LINGO2: variants seen among roughly 807,000 people sequenced by gnomAD.
LINGO2 encodes the protein leucine rich repeat and Ig domain containing 2.
LINGO2 carries 14 observed loss-of-function variants against 30.6 expected under a neutral mutation model. The ratio of observed to expected loss-of-function variants is 0.46; its 90% CI spans 0.30 to 0.72. The LOEUF is 0.72. Among genes scored for constraint, LINGO2 ranks in the 30% least tolerant of loss-of-function variants. LINGO2 has a pLI of 0.07. For missense variants in LINGO2, 729 were observed against 751.7 expected (o/e 0.97, Z 0.35); for synonymous variants, 317 against 288.5 (o/e 1.10, Z -1.00).
At chr9:28,805,896 A>G in the LINGO2 span, among the ~76,000 whole-genome samples, 2 of 152,290 alleles carry the variant, frequency 1.3e-5, no homozygotes, top group East Asian at 1.9e-4. Flanking sequence ...ATTATAACAT[A>G]TATTTCATTT....
the LINGO2 span, among the ~76,000 whole-genome samples, chr9:28,953,861 T>G: frequency 6.6e-6 from 1 of 152,172 alleles, no homozygotes; most frequent in East Asian, 1.9e-4. Flanking sequence ...TAAAATCCAC[T>G]GGCTATCTCT....
At chr9:28,970,169 C>G in the LINGO2 span, among the ~76,000 whole-genome samples, 3 of 151,684 alleles carry the variant, frequency 2.0e-5, no homozygotes, top group Non-Finnish European at 4.4e-5. Flanking sequence ...GTTAGGAAGG[C>G]CAGAGAAAAG....
At chr9:28,143,711 A>T (rs1008506356) in intron 4 of LINGO2, among the ~76,000 whole-genome samples, 5 of 151,358 alleles carry the variant, frequency 3.3e-5, no homozygotes, top group African/African-American at 4.9e-5. Context: ...TAAATAGAAG[A>T]CCTGGTGATG....
At chr9:28,855,410 G>T in the LINGO2 span, among the ~76,000 whole-genome samples, 1 of 151,908 alleles carries the variant, frequency 6.6e-6, no homozygotes, top group Non-Finnish European at 1.5e-5. Context: ...ATCTGTTTAG[G>T]TGTATTTTGC....
the LINGO2 span, among the ~76,000 whole-genome samples, chr9:28,998,495 A>G: frequency 3.3e-5 from 5 of 152,168 alleles, no homozygotes; most frequent in Admixed American, 6.5e-5. Context: ...TAGAACACAA[A>G]GAGGAAAAAT....
the LINGO2 span, among the ~76,000 whole-genome samples, chr9:29,119,997 C>G: frequency 6.6e-6 from 1 of 152,128 alleles, no homozygotes; most frequent in African/African-American, 2.4e-5. Flanking sequence ...AGAATGAATA[C>G]AAGTGAATAC....
intron 2 of LINGO2, among the ~76,000 whole-genome samples, chr9:28,438,354 A>G (rs1824038479): frequency 6.6e-6 from 1 of 152,206 alleles, no homozygotes; most frequent in South Asian, 2.1e-4. Flanking sequence ...AATAGAATAG[A>G]AAGGTAGAGG....
chr9:28,361,996 T>C (rs902774358), intron 3 of LINGO2, among the ~76,000 whole-genome samples: 54 of 152,308 alleles, frequency 3.5e-4, no homozygotes, highest in African/African-American at 1.3e-3. Context: ...GGCCATTGTT[T>C]CTCCAAAGGT....
At chr9:28,497,372 T>G (rs1014663692) in intron 1 of LINGO2, among the ~76,000 whole-genome samples, 4 of 152,214 alleles carry the variant, frequency 2.6e-5, no homozygotes, top group African/African-American at 7.2e-5. Context: ...TTACTCTTTT[T>G]TCTCTAAACT....
chr9:28,107,919 G>C (rs10124164), intron 4 of LINGO2, among the ~76,000 whole-genome samples: 32,499 of 152,012 alleles, frequency 0.21, 4,943 homozygotes, highest in African/African-American at 0.44. Flanking sequence ...GAAAAAGGCA[G>C]TCATTTTAGA....
the LINGO2 span, among the ~76,000 whole-genome samples, chr9:29,170,194 T>C: frequency 1.1e-4 from 17 of 152,248 alleles, no homozygotes; most frequent in South Asian, 3.3e-3. Flanking sequence ...AGTCATAGAA[T>C]CAACTTAAGT....
chr9:28,498,515 A>G (rs1017501048), intron 1 of LINGO2, among the ~76,000 whole-genome samples: 4 of 152,212 alleles, frequency 2.6e-5, no homozygotes. Flanking sequence ...AAAGGACAGT[A>G]GAAGGGTGGG....
At chr9:28,784,691 C>T in the LINGO2 span, among the ~76,000 whole-genome samples, 79 of 152,210 alleles carry the variant, frequency 5.2e-4, 2 homozygotes, top group Middle Eastern at 6.8e-3. Flanking sequence ...CGGTGGCTCA[C>T]GCCTGTAATC....
the LINGO2 span, among the ~76,000 whole-genome samples, chr9:29,120,551 T>C: frequency 0.24 from 37,099 of 152,118 alleles, 4,710 homozygotes; most frequent in East Asian, 0.44. Flanking sequence ...ACTCTATTTT[T>C]CTTCCTTAAG....
the LINGO2 span, among the ~76,000 whole-genome samples, chr9:29,129,336 GA>G: frequency 1.3e-5 from 2 of 152,070 alleles, no homozygotes; most frequent in South Asian, 2.1e-4. Flanking sequence ...CTGTTAAAAT[GA>G]AAAAATGAGT....
the LINGO2 span, among the ~76,000 whole-genome samples, chr9:28,960,871 A>G: frequency 6.6e-6 from 1 of 152,036 alleles, no homozygotes; most frequent in South Asian, 2.1e-4. Context: ...TTGTTCATTT[A>G]TTCATTCACT....
intron 1 of LINGO2, among the ~76,000 whole-genome samples, chr9:28,485,871 T>A (rs1410127583): frequency 6.6e-6 from 1 of 152,020 alleles, no homozygotes; most frequent in Non-Finnish European, 1.5e-5. Context: ...TAAAATATAC[T>A]CAGAAGATAT....
At chr9:29,141,504 CA>C in the LINGO2 span, among the ~76,000 whole-genome samples, 4 of 151,086 alleles carry the variant, frequency 2.6e-5, no homozygotes, top group African/African-American at 7.3e-5. Flanking sequence ...GAAAAAAGGA[CA>C]AAAACAAAGG....
At chr9:28,062,544 T>C (rs1055511115) in intron 4 of LINGO2, among the ~76,000 whole-genome samples, 4 of 138,374 alleles carry the variant, frequency 2.9e-5, no homozygotes, top group African/African-American at 1.1e-4. Flanking sequence ...ATATATACTA[T>C]ATATTGTATA....
Sources: gnomAD v4.1 joint callset for allele counts (sites outside exome capture counted in the v4.1 genomes callset) on GRCh38, gnomAD v4.1.1 for gene constraint, MANE v1.5 for transcripts, NCBI Gene and HGNC (gene_info 2026-07-23, HGNC 2026-07-21) for gene names.